PTPN3: variants seen among roughly 807,000 people sequenced by gnomAD.
The protein encoded by PTPN3 is protein tyrosine phosphatase non-receptor type 3.
PTPN3 carries 96 observed loss-of-function variants against 132.7 expected under a neutral mutation model. The ratio of observed to expected loss-of-function variants is 0.72; its 90% CI spans 0.61 to 0.86. The LOEUF is 0.86. PTPN3 is among the 40% of genes least tolerant of loss of function. The pLI, the probability that PTPN3 is intolerant of heterozygous loss-of-function variation, is 0.00. For synonymous variants in PTPN3, 398 were observed against 429.0 expected (o/e 0.93, Z 0.89); for missense variants, 1,125 against 1,159.6 (o/e 0.97, Z 0.43).
chr9:109,449,724 G>C (rs904232193), intron 5 of PTPN3: 18 of 985,470 alleles, frequency 1.8e-5, no homozygotes, highest in Non-Finnish European at 1.8e-5. Context: ...GTCTGGCCAA[G>C]ATGACAAAAG....
chr9:109,472,408 G>A (rs1200076481), intron 1 of PTPN3, among the ~76,000 whole-genome samples: 1 of 152,140 alleles, frequency 6.6e-6, no homozygotes, highest in Non-Finnish European at 1.5e-5. Flanking sequence ...CTTTGAAAAT[G>A]TTCTTTTTAA....
rs932167372 is a variant in PTPN3 at position 109,379,000 on chromosome 9, G to A, written c.*556C>T. On this transcript the variant is annotated 3_prime_UTR_variant, in exon 26 of 26. Coordinates refer to ENST00000374541, the MANE Select transcript of PTPN3 (RefSeq NM_002829.4). ...CTGGGAGATGGGACAAAGGGAGGGA[G>A]GGCAGAGAGGTGTTGCTCAGCCTTC... The A allele has an allele frequency of 6.6e-6, 1 of 152,356 alleles. No individual in the cohort carries two copies. Among genetic ancestry groups the A allele is most frequent in the African/African-American group, 2.4e-5 (1 of 41,424 alleles). 9.4% of individuals were successfully genotyped at this position (152,356 alleles called of 1,614,324 possible).
At chr9:109,499,559 C>A (rs1847826101), upstream of PTPN3, among the ~76,000 whole-genome samples, 1 of 139,558 alleles carries the variant, frequency 7.2e-6, no homozygotes, top group African/African-American at 2.6e-5. Flanking sequence ...CTGCAGTGAC[C>A]CCCCTGCAAC....
chr9:109,384,307 C>T (rs1288601921), intron 22 of PTPN3, among the ~76,000 whole-genome samples: 1 of 152,208 alleles, frequency 6.6e-6, no homozygotes, highest in East Asian at 1.9e-4. Context: ...ATACCTTTCT[C>T]ACTGGAGCAG....
In PTPN3 at chr9:109,436,938, T is replaced by G; in HGVS notation, c.620A>C (p.Tyr207Ser). The change falls in exon 9 of 26, where the codon TAT becomes TCT. Residue 207 changes from tyrosine (Y) to serine (S), a missense_variant. Transcript: ENST00000374541. The stretch of plus-strand genomic sequence containing the variant: ...GTCGAGGGTCCGCGCTATGTTGATA[T>G]AGCAGGATTCTGCTTCTGATTGTTT... ...GLKQSEAESCYINIARTLDFY... is the reference protein window; with the variant it reads ...GLKQSEAESCSINIARTLDFY... 1.2e-6 allele frequency: 2 copies of G among 1,614,138 alleles called. No homozygotes were observed. The highest frequency in any genetic ancestry group is 1.7e-6 in the Non-Finnish European group (2 of 1,179,992).
the PTPN3 span, among the ~76,000 whole-genome samples, chr9:109,531,517 G>T: frequency 2.6e-5 from 4 of 152,204 alleles, no homozygotes; most frequent in African/African-American, 7.2e-5. Context: ...GCCACTATTA[G>T]CTGGGGGGTC....
chr9:109,409,864 C>A lies in PTPN3; in HGVS notation c.1578+135G>T. 3 of 1,388,518 alleles carry A rather than the reference C, an allele frequency of 2.2e-6. No individual in the cohort carries two copies. In the South Asian group the frequency reaches 5.1e-5, roughly 24 times the overall value. The allele number at this position is 1,388,518 out of a possible 1,614,324, so 86.0% of individuals were successfully genotyped here. A position where few individuals can be genotyped will look rare whatever the true frequency, so the allele number is the denominator to read the frequency against. ...AAACCAAACAAAAACAAAAAAAACCCCCAACTCTCAATTCTGAGGGTTGAA... is the reference window on the plus strand; with the variant it reads ...AAACCAAACAAAAACAAAAAAAACCACCAACTCTCAATTCTGAGGGTTGAA... On this transcript the variant is annotated intron_variant, in intron 16 of 25. Coordinates refer to ENST00000374541, the MANE Select transcript of PTPN3 (RefSeq NM_002829.4).
intron 6 of PTPN3, among the ~76,000 whole-genome samples, chr9:109,448,104 T>C (rs1482710480): frequency 3.9e-5 from 6 of 152,158 alleles, no homozygotes; most frequent in Non-Finnish European, 5.9e-5. Context: ...CCCATATTGG[T>C]TCTAATTGTT....
chr9:109,476,520 TAC>T (rs1296871997), intron 1 of PTPN3, among the ~76,000 whole-genome samples: 1 of 152,168 alleles, frequency 6.6e-6, no homozygotes, highest in African/African-American at 2.4e-5. Context: ...GAGCTGAGAA[TAC>T]AGAGATAAAG....
intron 1 of PTPN3, among the ~76,000 whole-genome samples, chr9:109,495,778 T>A (rs180759199): frequency 6.6e-6 from 1 of 152,336 alleles, no homozygotes; most frequent in Non-Finnish European, 1.5e-5. Flanking sequence ...CAGAGTATCT[T>A]CTGTATGATA....
chr9:109,458,520 A>G (rs1392007346), intron 2 of PTPN3, among the ~76,000 whole-genome samples: 3 of 152,212 alleles, frequency 2.0e-5, no homozygotes, highest in Admixed American at 2.0e-4. Context: ...AGAGCAAATA[A>G]TGTACTTGAA....
At chr9:109,446,615 C>T (rs532291890) in intron 6 of PTPN3, among the ~76,000 whole-genome samples, 21 of 152,292 alleles carry the variant, frequency 1.4e-4, no homozygotes, top group East Asian at 7.7e-4. Context: ...ATTAAATCTA[C>T]GCCAGTGTCC....
intron 7 of PTPN3, among the ~76,000 whole-genome samples, chr9:109,443,141 T>C (rs1844614347): frequency 6.6e-6 from 1 of 150,806 alleles, no homozygotes. Flanking sequence ...AATGGCATGA[T>C]TATGGCTCAC....
At chr9:109,471,884 T>C (rs569070329) in intron 1 of PTPN3, among the ~76,000 whole-genome samples, 2 of 152,222 alleles carry the variant, frequency 1.3e-5, no homozygotes, top group African/African-American at 4.8e-5. Flanking sequence ...CGGTGGAAAA[T>C]CTTCCACCAG....
chr9:109,409,871 C>G, intron 16 of PTPN3, 128 bp downstream of exon 16: 1 of 1,414,384 alleles, frequency 7.1e-7, no homozygotes, highest in East Asian at 2.5e-5. Context: ...ACCCCCAACT[C>G]TCAATTCTGA....
intron 14 of PTPN3, among the ~76,000 whole-genome samples, chr9:109,414,428 G>A (rs1278892295): frequency 6.6e-6 from 1 of 152,232 alleles, no homozygotes; most frequent in Non-Finnish European, 1.5e-5. Flanking sequence ...ACTCATACCA[G>A]TTCACCCAGA....
chr9:109,437,735 C>G (rs1844161320), intron 8 of PTPN3, among the ~76,000 whole-genome samples: 1 of 148,384 alleles, frequency 6.7e-6, no homozygotes. Flanking sequence ...ATCTGTCTGT[C>G]TGTTTAACAA....
chr9:109,536,312 G>T, the PTPN3 span, among the ~76,000 whole-genome samples: 1 of 151,978 alleles, frequency 6.6e-6, no homozygotes, highest in Non-Finnish European at 1.5e-5. Context: ...CGTTGTGAAT[G>T]GTGTATGCAT....
upstream of PTPN3, among the ~76,000 whole-genome samples, chr9:109,501,186 G>T (rs1387082026): frequency 6.6e-6 from 1 of 152,186 alleles, no homozygotes; most frequent in Non-Finnish European, 1.5e-5. Context: ...CAAGTACGAT[G>T]AATATTTTAT....
Sources: gnomAD v4.1 joint callset for allele counts (sites outside exome capture counted in the v4.1 genomes callset) on GRCh38, gnomAD v4.1.1 for gene constraint, MANE v1.5 for transcripts, NCBI Gene and HGNC (gene_info 2026-07-23, HGNC 2026-07-21) for gene names.